CDC42BPA: variants seen among roughly 807,000 people sequenced by gnomAD.
CDC42BPA encodes the protein CDC42 binding protein kinase alpha.
Under a neutral mutation model 223.5 loss-of-function variants are expected in CDC42BPA, and 80 were observed. The observed-to-expected ratio is 0.36, with a 90% CI of 0.30 to 0.43. The LOEUF (loss-of-function observed/expected upper bound fraction) is 0.43, where lower values mean the gene tolerates loss of function less well. Ranked by LOEUF, CDC42BPA falls within the 20% of genes least tolerant of loss-of-function variation. The pLI, the probability that CDC42BPA is intolerant of heterozygous loss-of-function variation, is 1.00. For synonymous variants in CDC42BPA, 694 were observed against 718.6 expected (o/e 0.97, Z 0.55); for missense variants, 1,743 against 2,099.9 (o/e 0.83, Z 3.32).
rs369540392 is a variant in CDC42BPA, at chr1:227,080,105, G to A, written c.2480+788C>T. ...CACGTCAGCACTCATAAAGTTTCACGTTTTGAAGCATTTCAGATTTCAGAT... is the reference window on the plus strand; with the variant it reads ...CACGTCAGCACTCATAAAGTTTCACATTTTGAAGCATTTCAGATTTCAGAT... On this transcript the variant is annotated intron_variant, in intron 17 of 36. Coordinates refer to ENST00000366766, the MANE Select transcript of CDC42BPA (RefSeq NM_001394014.1). 2.5e-4 allele frequency among the ~76,000 whole-genome samples: 38 copies of A among 152,122 alleles called. No homozygotes were observed. The East Asian group carries it at 3.5e-3, about 14-fold the overall frequency.
chr1:227,011,353 T>C (rs529857366), intron 34 of CDC42BPA, among the ~76,000 whole-genome samples: 2 of 152,332 alleles, frequency 1.3e-5, no homozygotes, highest in Non-Finnish European at 2.9e-5. Flanking sequence ...TAGTTCAGTA[T>C]TTTCTTATGT....
At chr1:227,142,766 C>G (rs1019897515) in intron 9 of CDC42BPA, among the ~76,000 whole-genome samples, 179 bp downstream of exon 9, 1 of 152,064 alleles carries the variant, frequency 6.6e-6, no homozygotes, top group Non-Finnish European at 1.5e-5. Context: ...ATTACAGGCA[C>G]CTGCCACCAC....
At chr1:227,284,778 T>C (rs1047345215) in intron 1 of CDC42BPA, among the ~76,000 whole-genome samples, 4 of 151,966 alleles carry the variant, frequency 2.6e-5, no homozygotes, top group Admixed American at 1.3e-4. Flanking sequence ...CTGGGCAACA[T>C]GGCAAAACCC....
intron 12 of CDC42BPA, 102 bp from the exon 13 acceptor site, chr1:227,113,015 T>TAG: frequency 9.4e-7 from 1 of 1,066,770 alleles, no homozygotes. Flanking sequence ...GCCAAAATTA[T>TAG]TCACCTTAGG....
chr1:227,151,456 T>C (rs997730080), intron 6 of CDC42BPA, among the ~76,000 whole-genome samples: 1 of 152,210 alleles, frequency 6.6e-6, no homozygotes, highest in Admixed American at 6.5e-5. Context: ...TACAAATGTA[T>C]GTTCAACTCC....
intron 5 of CDC42BPA, among the ~76,000 whole-genome samples, chr1:227,168,494 G>C (rs1049059606): frequency 4.6e-5 from 1 of 21,838 alleles, no homozygotes; most frequent in Non-Finnish European, 1.1e-4. Flanking sequence ...TATCTTCCCT[G>C]GTGTTTTTTT....
intron 21 of CDC42BPA, among the ~76,000 whole-genome samples, chr1:227,056,936 C>A (rs553159414): frequency 6.6e-6 from 1 of 152,220 alleles, no homozygotes; most frequent in South Asian, 2.1e-4. Flanking sequence ...AAGGTTGTGA[C>A]CAGTAAGGGT....
chr1:227,004,690 A>ACC (rs1221352960), intron 35 of CDC42BPA: 1 of 379,100 alleles, frequency 2.6e-6, no homozygotes, highest in African/African-American at 2.0e-5. Context: ...CCTAACAGCT[A>ACC]CCCCTTGTTA....
intron 1 of CDC42BPA, among the ~76,000 whole-genome samples, chr1:227,267,874 TC>T (rs1325532818): frequency 6.6e-6 from 1 of 152,008 alleles, no homozygotes; most frequent in Non-Finnish European, 1.5e-5. Context: ...GGGTAACAAT[TC>T]GAAATGAGAT....
intron 10 of CDC42BPA, among the ~76,000 whole-genome samples, 171 bp from the exon 11 acceptor site, chr1:227,129,402 C>T (rs1019264247): frequency 4.6e-5 from 7 of 151,560 alleles, no homozygotes; most frequent in Non-Finnish European, 1.0e-4. Flanking sequence ...AAAATCAGAC[C>T]AGGCATGGTA....
In CDC42BPA at chr1:227,026,534, T is replaced by C. The variant is rs181672963; in HGVS notation, c.4433-382A>G. Among the ~76,000 whole-genome samples, 101 of 152,330 alleles carry C rather than the reference T, an allele frequency of 6.6e-4. 1 individual carries two copies. The highest frequency in any genetic ancestry group is 8.8e-5 in the Non-Finnish European group (6 of 68,026). On this transcript the variant is annotated intron_variant, in intron 30 of 36. Coordinates refer to ENST00000366766, the MANE Select transcript of CDC42BPA (RefSeq NM_001394014.1). ...CAGAGAAATCTTCAGGTAAGTGTTC[T>C]AGTCCCTGTTAAGAATGTATAATAA...
chr1:227,166,195 C>T (rs1299896750), intron 5 of CDC42BPA, among the ~76,000 whole-genome samples: 1 of 152,122 alleles, frequency 6.6e-6, no homozygotes, highest in African/African-American at 2.4e-5. Flanking sequence ...CATTTTATTC[C>T]ATGGCTGAAG....
intron 12 of CDC42BPA, among the ~76,000 whole-genome samples, chr1:227,115,705 T>C (rs1452251673): frequency 3.9e-5 from 6 of 152,110 alleles, no homozygotes; most frequent in African/African-American, 9.6e-5. Context: ...AGTTCTGTAA[T>C]GACACTGCAA....
At chr1:227,251,264 G>A (rs1242764731) in intron 2 of CDC42BPA, among the ~76,000 whole-genome samples, 1 of 151,834 alleles carries the variant, frequency 6.6e-6, no homozygotes, top group African/African-American at 2.4e-5. Context: ...GGGTAAATGG[G>A]AATTGGCAAA....
At chr1:227,077,395 C>A (rs915193811) in intron 17 of CDC42BPA, among the ~76,000 whole-genome samples, 1 of 152,180 alleles carries the variant, frequency 6.6e-6, no homozygotes, top group Admixed American at 6.5e-5. Context: ...ATGAGCATTA[C>A]TGAATGAGGA....
intron 5 of CDC42BPA, among the ~76,000 whole-genome samples, chr1:227,172,974 G>T (rs1482159053): frequency 6.6e-6 from 1 of 152,086 alleles, no homozygotes; most frequent in Admixed American, 6.6e-5. Context: ...TCAGTTAAAG[G>T]CTCCTCAGGA....
chr1:227,236,035 C>A (rs1277317807), intron 2 of CDC42BPA, among the ~76,000 whole-genome samples: 1 of 152,028 alleles, frequency 6.6e-6, no homozygotes, highest in Non-Finnish European at 1.5e-5. Flanking sequence ...GTATATATAT[C>A]CTCTCTGTTC....
At chr1:227,115,544 C>T (rs914579745) in intron 12 of CDC42BPA, among the ~76,000 whole-genome samples, 4 of 150,964 alleles carry the variant, frequency 2.6e-5, no homozygotes, top group Non-Finnish European at 4.4e-5. Context: ...AATATAAAGA[C>T]GATCTGAAAA....
At chr1:227,297,367 A>G (rs953245699) in intron 1 of CDC42BPA, among the ~76,000 whole-genome samples, 1 of 152,156 alleles carries the variant, frequency 6.6e-6, no homozygotes, top group Admixed American at 6.5e-5. Context: ...GCTTTGAAAA[A>G]CAGTTTGGCA....
Sources: allele counts gnomAD v4.1 joint callset (sites outside exome capture counted in the v4.1 genomes callset), GRCh38; gene constraint gnomAD v4.1.1; transcripts MANE v1.5; gene names NCBI Gene and HGNC (gene_info 2026-07-23, HGNC 2026-07-21).